Variants in WASF1 observed in about 807,000 individuals in gnomAD.
WASF1 encodes the protein WASP family member 1.
A neutral mutation model predicts 50.5 loss-of-function variants in WASF1; 7 were observed. That is an observed-to-expected ratio of 0.14 (90% CI 0.08 to 0.26). The LOEUF (loss-of-function observed/expected upper bound fraction) is 0.26. WASF1 is among the 10% of genes least tolerant of loss of function. The pLI, the probability that WASF1 is intolerant of heterozygous loss-of-function variation, is 1.00. For synonymous variants in WASF1, 205 were observed against 244.0 expected, an observed-to-expected ratio of 0.84 and a Z score of 1.49; for missense variants, 470 against 694.7, an observed-to-expected ratio of 0.68 and a Z score of 3.64.
chr6:110,176,608 A>G (rs1776940129), intron 2 of WASF1, among the ~76,000 whole-genome samples: 1 of 152,076 alleles, frequency 6.6e-6, no homozygotes, highest in African/African-American at 2.4e-5. Context: ...TATTAATTCA[A>G]TGGATATTCT....
intron 4 of WASF1, among the ~76,000 whole-genome samples, chr6:110,126,621 T>TA (rs1316906409): frequency 1.3e-5 from 2 of 152,208 alleles, no homozygotes; most frequent in African/African-American, 4.8e-5. Context: ...GAGATAAATC[T>TA]AGGACCACTT....
chr6:110,135,578 A>G (rs555658502), intron 3 of WASF1, among the ~76,000 whole-genome samples: 9 of 152,248 alleles, frequency 5.9e-5, no homozygotes, highest in Admixed American at 1.3e-4. Flanking sequence ...TGTGGTAGGG[A>G]GAATAATGGT....
At chr6:110,128,524 A>G (rs1332727422) in intron 3 of WASF1, among the ~76,000 whole-genome samples, 1 of 152,202 alleles carries the variant, frequency 6.6e-6, no homozygotes, top group African/African-American at 2.4e-5. Flanking sequence ...TATTTAACTG[A>G]TCAAAAAGTT....
At position 110,143,384 on chromosome 6, in the gene WASF1, ACT is replaced by A. The variant is rs1009649229; in HGVS notation, c.-28-15757_-28-15756del. 1.5e-4 allele frequency among the ~76,000 whole-genome samples: 23 copies of A among 152,030 alleles called. No homozygotes were observed. In the East Asian group the frequency reaches 2.5e-3, roughly 17 times the overall value. ...TGACTACTGCTAATATTGATAATAT[ACT>A]CTCTGTTAAAGAATGCCTTCTCTTG... is the stretch of plus-strand genomic sequence containing the variant. On this transcript the variant is annotated intron_variant, in intron 3 of 10. Coordinates refer to ENST00000392589, the MANE Select transcript of WASF1 (RefSeq NM_003931.3).
intron 4 of WASF1, among the ~76,000 whole-genome samples, chr6:110,115,090 TTC>T (rs967625970): frequency 6.7e-6 from 1 of 148,900 alleles, no homozygotes. Context: ...AAGTGAGACC[TTC>T]TCTCTCTCTC....
rs113575634 is a variant in WASF1, at chr6:110,151,979, G to A, written c.-29+8656C>T. 3.8e-3 allele frequency among the ~76,000 whole-genome samples: 580 copies of A among 152,224 alleles called. 1 individual carries two copies. The highest frequency in any genetic ancestry group is 0.012 in the African/African-American group (519 of 41,548). Reference sequence around the variant, plus strand: ...AAATATAAACTTTATTGAGGTATAAGTGAAGCACAACATACAGCATGTGGC... The same window carrying A: ...AAATATAAACTTTATTGAGGTATAAATGAAGCACAACATACAGCATGTGGC... On this transcript the variant is annotated intron_variant, in intron 3 of 10. Transcript: ENST00000392589.
At chr6:110,155,536 C>CTTTTTTTTTTT (rs66645132) in intron 3 of WASF1, among the ~76,000 whole-genome samples, 18 of 45,974 alleles carry the variant, frequency 3.9e-4, no homozygotes, top group South Asian at 1.4e-3. Context: ...AAAGTGCCTT[C>CTTTTTTTTTTT]TTTTTTTTTT....
At chr6:110,141,702 T>C (rs1330153562) in intron 3 of WASF1, among the ~76,000 whole-genome samples, 1 of 151,566 alleles carries the variant, frequency 6.6e-6, no homozygotes, top group African/African-American at 2.4e-5. Context: ...AATAACAAAA[T>C]CATGAGCTTT....
intron 2 of WASF1, among the ~76,000 whole-genome samples, chr6:110,176,347 TAACA>T (rs1444237151): frequency 6.6e-6 from 1 of 152,084 alleles, no homozygotes; most frequent in Non-Finnish European, 1.5e-5. Context: ...AAAAATATGT[TAACA>T]TACATCTTCA....
At chr6:110,120,655 A>T (rs199818082) in intron 4 of WASF1, among the ~76,000 whole-genome samples, 100 of 135,792 alleles carry the variant, frequency 7.4e-4, no homozygotes, top group Admixed American at 1.4e-3. Flanking sequence ...CAAGCTACCA[A>T]TGACTTTCTT....
chr6:110,164,818 T>C (rs1015691023), intron 2 of WASF1, among the ~76,000 whole-genome samples: 18 of 151,408 alleles, frequency 1.2e-4, no homozygotes, highest in African/African-American at 3.4e-4. Context: ...AGTAGGTAAG[T>C]AAAATAAAGT....
intron 3 of WASF1, among the ~76,000 whole-genome samples, chr6:110,154,989 TG>T (rs1396441755): frequency 6.6e-6 from 1 of 152,028 alleles, no homozygotes; most frequent in Non-Finnish European, 1.5e-5. Context: ...AAAATATAAA[TG>T]GGACAGCTAG....
intron 3 of WASF1, among the ~76,000 whole-genome samples, chr6:110,150,109 C>T (rs1337957633): frequency 6.6e-6 from 1 of 152,122 alleles, no homozygotes; most frequent in African/African-American, 2.4e-5. Flanking sequence ...TATTTTGAAG[C>T]TCCAAATAAT....
intron 4 of WASF1, among the ~76,000 whole-genome samples, chr6:110,115,650 T>C (rs142006228): frequency 3.9e-5 from 6 of 152,362 alleles, no homozygotes; most frequent in African/African-American, 1.4e-4. Context: ...TAAGACTCAT[T>C]ACACATGGTA....
At position 110,100,004 on chromosome 6, in the gene WASF1, A is replaced by G. The variant is rs1773015034; in HGVS notation, c.*518T>C. 1 of 152,610 alleles carries G rather than the reference A, an allele frequency of 6.6e-6. No homozygotes were observed. The highest frequency in any genetic ancestry group is 1.5e-5 in the Non-Finnish European group (1 of 68,102). The allele number at this position is 152,610 out of a possible 1,614,324, so 9.5% of individuals were successfully genotyped here. ...CTAAACATTCAAATAAGGCAAGTAT[A>G]TAAAAACAATAAAACAATAATGAAA... is the stretch of plus-strand genomic sequence containing the variant. On this transcript the variant is annotated 3_prime_UTR_variant, in exon 11 of 11. Transcript: ENST00000392589.
At chr6:110,128,367 C>A (rs78342256) in intron 3 of WASF1, among the ~76,000 whole-genome samples, 11,115 of 152,052 alleles carry the variant, frequency 0.073, 552 homozygotes, top group African/African-American at 0.14. Context: ...GATGTCCTCT[C>A]TAAGGAAGTG....
At chr6:110,144,457 C>A (rs1250339236) in intron 3 of WASF1, among the ~76,000 whole-genome samples, 1 of 152,146 alleles carries the variant, frequency 6.6e-6, no homozygotes, top group African/African-American at 2.4e-5. Flanking sequence ...TGCAGAAGCT[C>A]TTTAGTTTCA....
chr6:110,148,385 T>G (rs1445037739), intron 3 of WASF1, among the ~76,000 whole-genome samples: 1 of 151,996 alleles, frequency 6.6e-6, no homozygotes, highest in Non-Finnish European at 1.5e-5. Context: ...ATAAGTATAA[T>G]GGAGTAAAAG....
intron 3 of WASF1, among the ~76,000 whole-genome samples, chr6:110,137,962 G>A (rs1370181442): frequency 1.3e-5 from 2 of 152,242 alleles, no homozygotes; most frequent in Non-Finnish European, 2.9e-5. Context: ...TCTGTGGCCA[G>A]TGGCACCTGT....
Sources: allele counts gnomAD v4.1 joint callset (sites outside exome capture counted in the v4.1 genomes callset), GRCh38; gene constraint gnomAD v4.1.1; transcripts MANE v1.5; gene names NCBI Gene and HGNC (gene_info 2026-07-23, HGNC 2026-07-21).